Variants in LRRTM3 observed in about 807,000 individuals in gnomAD.
LRRTM3 encodes leucine-rich repeat transmembrane neuronal protein 3.
LRRTM3 carries 24 observed loss-of-function variants against 44.7 expected under a neutral mutation model. The observed-to-expected ratio is 0.54, with a 90% CI of 0.39 to 0.76. The LOEUF is 0.76. LRRTM3 is among the 30% of genes least tolerant of loss of function. The pLI is 0.00. For synonymous variants in LRRTM3, 277 were observed against 278.7 expected (o/e 0.99, Z 0.06); for missense variants, 587 against 702.2 (o/e 0.84, Z 1.85).
chr10:66,968,007 G>C (rs1849529212), intron 2 of LRRTM3, among the ~76,000 whole-genome samples: 1 of 151,978 alleles, frequency 6.6e-6, no homozygotes, highest in Non-Finnish European at 1.5e-5. Context: ...TTATATAAAA[G>C]TCTAAGTCTA....
Position 66,928,150 on chromosome 10 carries a change from G to T in LRRTM3, c.1234G>T (p.Ala412Ser). ...TEPGPETDAD[A>S]EHISFHKIIA... is the part of the protein sequence containing the mutation. ...GCCCGGCCCAGAGACCGATGCTGAC[G>T]CCGAGCACATCTCTTTCCATAAAAT... Residue 412 changes from alanine (A) to serine (S), a missense_variant, in exon 2 of 3, where the codon GCC becomes TCC. Ala to Ser is a moderately conservative substitution (Grantham distance 99). This residue lies in a region of LRRTM3 where 315 missense variants were observed against 335.6 expected (regional missense o/e 0.94). Coordinates refer to ENST00000361320, the MANE Select transcript of LRRTM3 (RefSeq NM_178011.5). 2 of 1,614,076 alleles carry T rather than the reference G, an allele frequency of 1.2e-6. No homozygotes were observed. Among genetic ancestry groups the T allele is most frequent in the South Asian group, 2.2e-5 (2 of 91,080 alleles).
At chr10:66,951,982 G>C (rs185946801) in intron 2 of LRRTM3, among the ~76,000 whole-genome samples, 13 of 152,306 alleles carry the variant, frequency 8.5e-5, no homozygotes, top group Middle Eastern at 6.8e-3. Flanking sequence ...TTTTCAGAGA[G>C]GGAGCTAGTG....
intron 2 of LRRTM3, among the ~76,000 whole-genome samples, chr10:67,036,459 T>C (rs1854062027): frequency 6.6e-6 from 1 of 150,958 alleles, no homozygotes; most frequent in African/African-American, 2.4e-5. Flanking sequence ...AGGTCAGGAG[T>C]TTGAGATCAG....
chr10:66,986,062 C>T (rs1051974358), intron 2 of LRRTM3, among the ~76,000 whole-genome samples: 2 of 152,078 alleles, frequency 1.3e-5, no homozygotes, highest in Non-Finnish European at 2.9e-5. Context: ...ATTGTACTTA[C>T]AATTTTGATA....
chr10:67,040,406 G>A (rs1455833301), intron 2 of LRRTM3, among the ~76,000 whole-genome samples: 1 of 152,046 alleles, frequency 6.6e-6, no homozygotes, highest in Non-Finnish European at 1.5e-5. Context: ...GGGAGCCACT[G>A]CACAAAGGTC....
intron 2 of LRRTM3, among the ~76,000 whole-genome samples, chr10:67,073,056 C>A (rs1856552816): frequency 6.6e-6 from 1 of 152,182 alleles, no homozygotes; most frequent in Non-Finnish European, 1.5e-5. Context: ...CCAGTCCAGT[C>A]CTCAGACCAC....
intron 2 of LRRTM3, among the ~76,000 whole-genome samples, chr10:67,050,708 C>T (rs569551861): frequency 1.3e-4 from 20 of 152,290 alleles, no homozygotes; most frequent in Non-Finnish European, 2.9e-4. Context: ...TACTGACTTC[C>T]TCTCAGATTG....
At chr10:67,043,834 C>A (rs1333939360) in intron 2 of LRRTM3, among the ~76,000 whole-genome samples, 1 of 151,862 alleles carries the variant, frequency 6.6e-6, no homozygotes, top group East Asian at 1.9e-4. Flanking sequence ...ACAGTGAGGA[C>A]TACTTTTTTT....
chr10:67,027,930 A>C (rs1413405215), intron 2 of LRRTM3, among the ~76,000 whole-genome samples: 1 of 152,146 alleles, frequency 6.6e-6, no homozygotes, highest in African/African-American at 2.4e-5. Flanking sequence ...TTTGTATAGT[A>C]CTTTTTTGTT....
intron 2 of LRRTM3, among the ~76,000 whole-genome samples, chr10:67,047,385 A>G (rs1364331252): frequency 1.3e-5 from 2 of 152,178 alleles, no homozygotes; most frequent in African/African-American, 2.4e-5. Flanking sequence ...CCAGAAGGAA[A>G]GATCAAAAAC....
intron 2 of LRRTM3, among the ~76,000 whole-genome samples, chr10:66,934,609 A>G (rs1847588959): frequency 6.6e-6 from 1 of 152,194 alleles, no homozygotes; most frequent in Admixed American, 6.5e-5. Flanking sequence ...CTTACAAAGT[A>G]TTAAAGCTTA....
chr10:66,957,563 C>G (rs940338242), intron 2 of LRRTM3, among the ~76,000 whole-genome samples: 1 of 151,460 alleles, frequency 6.6e-6, no homozygotes. Context: ...GGGTCCCAGT[C>G]CCAGCACTGG....
At chr10:67,051,798 A>G in intron 2 of LRRTM3, among the ~76,000 whole-genome samples, 1 of 150,712 alleles carries the variant, frequency 6.6e-6, no homozygotes, top group Non-Finnish European at 1.5e-5. Flanking sequence ...TCTCTCTCCC[A>G]GGCTGGAGTG....
chr10:66,938,343 C>T (rs940486226), intron 2 of LRRTM3, among the ~76,000 whole-genome samples: 2 of 152,048 alleles, frequency 1.3e-5, no homozygotes, highest in African/African-American at 4.8e-5. Context: ...CTACTAATAG[C>T]ATATTGTTGA....
intron 2 of LRRTM3, among the ~76,000 whole-genome samples, chr10:67,089,717 ATGTGTGTGTGTGTG>A (rs71006125): frequency 1.4e-5 from 2 of 144,648 alleles, no homozygotes; most frequent in African/African-American, 5.1e-5. Context: ...GTATATACAT[ATGTGTGTGTGTGTG>A]TGTGTGTGTG....
At chr10:67,005,431 A>G (rs986716755) in intron 2 of LRRTM3, among the ~76,000 whole-genome samples, 33 of 152,050 alleles carry the variant, frequency 2.2e-4, no homozygotes, top group African/African-American at 8.0e-4. Context: ...TTCCTAATTC[A>G]AAATTATTTC....
Position 66,928,382 on chromosome 10 carries a change from A to G in LRRTM3, c.1466A>G (p.Glu489Gly). 1 of 1,614,176 alleles carries G rather than the reference A, an allele frequency of 6.2e-7. No homozygotes were observed. The highest frequency in any genetic ancestry group is 8.5e-7 in the Non-Finnish European group (1 of 1,180,024). ...FYVDYKPTNT[E>G]TSEMLLNGTG... ...GTAGATTATAAACCCACCAACACGGAGACCAGCGAGATGCTGCTGAATGGG... is the reference window on the plus strand; with the variant it reads ...GTAGATTATAAACCCACCAACACGGGGACCAGCGAGATGCTGCTGAATGGG... The change falls in exon 2 of 3, where the codon GAG (glutamate) becomes GGG (glycine). Residue 489 changes from glutamate to glycine, a missense_variant. This residue lies in a region of LRRTM3 where 315 missense variants were observed against 335.6 expected (regional missense o/e 0.94). Coordinates refer to ENST00000361320, the MANE Select transcript of LRRTM3 (RefSeq NM_178011.5).
rs1198079957 is a variant in LRRTM3, at chr10:66,950,831, G to A, written c.1536+22379G>A. Among the ~76,000 whole-genome samples the A allele has an allele frequency of 2.6e-5, 4 of 152,252 alleles. No homozygotes were observed. The South Asian group carries it at 8.3e-4, about 32-fold the overall frequency. The stretch of plus-strand genomic sequence containing the variant: ...GTGAGGGGCATAGAGAGAGATTTTA[G>A]AGGCTTCGCACAGTGCAGGGAGTTT... On this transcript the variant is annotated intron_variant, in intron 2 of 2. Coordinates refer to ENST00000361320, the MANE Select transcript of LRRTM3 (RefSeq NM_178011.5).
rs967686830 is a variant in LRRTM3 at position 67,101,374 on chromosome 10, T to C, written c.*3578T>C. 6.6e-6 allele frequency among the ~76,000 whole-genome samples: 1 copy of C among 151,796 alleles called. No homozygotes were observed. The highest frequency in any genetic ancestry group is 1.5e-5 in the Non-Finnish European group (1 of 67,816). On this transcript the variant is annotated 3_prime_UTR_variant, in exon 3 of 3. Coordinates refer to ENST00000361320, the MANE Select transcript of LRRTM3 (RefSeq NM_178011.5). Reference sequence around the variant, plus strand: ...GGGAAGACTTACATAAAATTCTTTTTCTTTTTTTCTTTTGGCAAGATTTCT... The same window carrying C: ...GGGAAGACTTACATAAAATTCTTTTCCTTTTTTTCTTTTGGCAAGATTTCT...
Sources: gnomAD v4.1 joint callset for allele counts (sites outside exome capture counted in the v4.1 genomes callset) on GRCh38, gnomAD v4.1.1 for gene constraint, gnomAD v4.1.1 regional missense constraint, MANE v1.5 for transcripts, NCBI Gene and HGNC (gene_info 2026-07-23, HGNC 2026-07-21) for gene names.